Variants in WDR76 observed in about 807,000 individuals in gnomAD.
WDR76 encodes the protein WD repeat domain 76.
WDR76 carries 52 observed loss-of-function variants against 70.2 expected under a neutral mutation model. The ratio of observed to expected loss-of-function variants is 0.74; its 90% CI spans 0.59 to 0.93. The LOEUF is 0.93. WDR76 is among the 40% of genes least tolerant of loss of function. The pLI is 0.00. For synonymous variants in WDR76, 292 were observed against 271.1 expected, an observed-to-expected ratio of 1.08 and a Z score of -0.76; for missense variants, 756 against 760.2, an observed-to-expected ratio of 0.99 and a Z score of 0.07.
Position 43,839,601 on chromosome 15 carries a change from T to A in WDR76, c.609-4T>A, listed in dbSNP as rs1401624982. The A allele has an allele frequency of 6.2e-7, 1 of 1,606,006 alleles. No individual in the cohort carries two copies. Among genetic ancestry groups the A allele is most frequent in the Non-Finnish European group, 8.5e-7 (1 of 1,176,700 alleles). On this transcript the variant is annotated splice_polypyrimidine_tract_variant and splice_region_variant and intron_variant, in intron 4 of 12. Coordinates refer to ENST00000263795, the MANE Select transcript of WDR76 (RefSeq NM_024908.4). ...ATAACATGAGTTTTTCCCCACTCCT[T>A]TAGAAAGAAGCCTAAGAGAGAAAAT...
rs758766580 is a variant in WDR76, at chr15:43,844,017, T to C, written c.995T>C (p.Val332Ala). 1.2e-5 allele frequency: 19 copies of C among 1,613,588 alleles called. No individual in the cohort carries two copies. The Admixed American group carries it at 3.2e-4, about 27-fold the overall frequency. ...TCAGAAACTAGAACTTTGGTAGCAG[T>C]TGGGGCCAAATTTGGGCAAGTTGGA... The part of the protein sequence containing the change: ...HPSETRTLVA[V>A]GAKFGQVGLC... The change falls in exon 8 of 13, where the codon GTT (valine) becomes GCT (alanine). Residue 332 changes from valine to alanine, a missense_variant. Physicochemically the swap from Val to Ala is moderately conservative, Grantham distance 64 (BLOSUM62 0). Transcript: ENST00000263795.
chr15:43,856,295 A>G (rs574742857), intron 9 of WDR76, among the ~76,000 whole-genome samples: 9 of 151,536 alleles, frequency 5.9e-5, no homozygotes, highest in Admixed American at 1.3e-4. Flanking sequence ...TAAGCATTAA[A>G]CATTTTGATA....
At chr15:43,843,839 T>C (rs1044097455) in intron 7 of WDR76, 62 bp from the exon 8 acceptor site, 10 of 1,381,562 alleles carry the variant, frequency 7.2e-6, no homozygotes, top group Non-Finnish European at 9.6e-6. Context: ...GAATAATCTT[T>C]TACTTATTTT....
chr15:43,862,966 C>T (rs562634159), intron 12 of WDR76, among the ~76,000 whole-genome samples: 56 of 152,098 alleles, frequency 3.7e-4, no homozygotes, highest in African/African-American at 8.7e-4. Flanking sequence ...GACAGAGTCT[C>T]GCTCTGTTGT....
intron 8 of WDR76, among the ~76,000 whole-genome samples, chr15:43,847,022 C>CAAAAAAAAAAAAAAAAAAAAAAAAAAA (rs57096588): frequency 3.0e-5 from 2 of 66,700 alleles, no homozygotes; most frequent in Admixed American, 1.8e-4. Flanking sequence ...AACACCACCT[C>CAAAAAAAAAAAAAAAAAAAAAAAAAAA]AAAAAAAAAA....
intron 11 of WDR76, among the ~76,000 whole-genome samples, chr15:43,861,007 A>C (rs965651283): frequency 2.2e-4 from 32 of 146,644 alleles, no homozygotes; most frequent in African/African-American, 6.4e-4. Flanking sequence ...TGTAATCTCA[A>C]ACTCCTGGGC....
At chr15:43,844,128 C>T in intron 8 of WDR76, 74 bp downstream of exon 8, 1 of 1,373,108 alleles carries the variant, frequency 7.3e-7, no homozygotes, top group Non-Finnish European at 9.7e-7. Context: ...AGGCTAGAGC[C>T]ATGTGTTTAT....
At chr15:43,833,360 C>A (rs1203303936) in intron 2 of WDR76, among the ~76,000 whole-genome samples, 1 of 149,798 alleles carries the variant, frequency 6.7e-6, no homozygotes, top group Admixed American at 6.7e-5. Flanking sequence ...GCTCTGTTGC[C>A]CAGAGTGGAG....
intron 8 of WDR76, among the ~76,000 whole-genome samples, chr15:43,848,423 T>C (rs530286236): frequency 1.2e-4 from 18 of 152,274 alleles, no homozygotes; most frequent in African/African-American, 4.3e-4. Context: ...ATCCTGAGAA[T>C]TTTCTATATT....
At chr15:43,841,808 A>G (rs894456115) in intron 5 of WDR76, among the ~76,000 whole-genome samples, 2 of 152,108 alleles carry the variant, frequency 1.3e-5, no homozygotes, top group Non-Finnish European at 2.9e-5. Context: ...TTCTCCAGTT[A>G]TTGGCTGTGT....
intron 4 of WDR76, among the ~76,000 whole-genome samples, chr15:43,839,377 C>G (rs1410153102): frequency 1.3e-5 from 2 of 152,170 alleles, no homozygotes; most frequent in Non-Finnish European, 2.9e-5. Flanking sequence ...GCGTATTATT[C>G]TATTAGATAT....
chr15:43,844,692 G>C (rs1166917035), intron 8 of WDR76, among the ~76,000 whole-genome samples: 1 of 151,066 alleles, frequency 6.6e-6, no homozygotes, highest in Non-Finnish European at 1.5e-5. Context: ...GGTGGATCAC[G>C]AAGTCAGGAG....
chr15:43,852,649 G>T (rs964397784), intron 9 of WDR76, among the ~76,000 whole-genome samples: 4 of 152,032 alleles, frequency 2.6e-5, no homozygotes, highest in African/African-American at 7.2e-5. Context: ...GGATTACAGC[G>T]TGAGCCACTG....
At chr15:43,856,466 G>A (rs1201395405) in intron 9 of WDR76, among the ~76,000 whole-genome samples, 2 of 152,142 alleles carry the variant, frequency 1.3e-5, no homozygotes, top group East Asian at 3.8e-4. Context: ...TTTCTGTTAA[G>A]TTTCACAGGG....
At chr15:43,856,737 C>T (rs1187451781) in intron 9 of WDR76, among the ~76,000 whole-genome samples, 1 of 151,788 alleles carries the variant, frequency 6.6e-6, no homozygotes, top group Non-Finnish European at 1.5e-5. Flanking sequence ...ATGTTCCCAA[C>T]ACATAGAAAT....
intron 8 of WDR76, among the ~76,000 whole-genome samples, chr15:43,848,676 C>T (rs1043250815): frequency 6.6e-6 from 1 of 152,180 alleles, no homozygotes; most frequent in Non-Finnish European, 1.5e-5. Flanking sequence ...CGCAGTGGCT[C>T]ATGCCTGTAA....
chr15:43,862,279 T>C (rs1242395695), intron 12 of WDR76, among the ~76,000 whole-genome samples: 5 of 104,958 alleles, frequency 4.8e-5, no homozygotes, highest in Admixed American at 2.9e-4. Flanking sequence ...TCAGTTTCTT[T>C]TTTTTTTTTT....
At chr15:43,860,910 CTTTTTTTTTTTT>C (rs34504509) in intron 11 of WDR76, among the ~76,000 whole-genome samples, 5 of 78,994 alleles carry the variant, frequency 6.3e-5, no homozygotes, top group Non-Finnish European at 9.2e-5. Context: ...TGATCTTACT[CTTTTTTTTTTTT>C]TTTTTTTTTT....
rs1174076677 is a variant in WDR76, at chr15:43,836,362, A to T, written c.608+146A>T. The T allele has an allele frequency of 5.8e-6, 3 of 518,406 alleles. No homozygotes were observed. In the African/African-American group the frequency reaches 5.9e-5, roughly 10 times the overall value. 32.1% of individuals were successfully genotyped at this position (518,406 alleles called of 1,614,324 possible). A position where few individuals can be genotyped will look rare whatever the true frequency, so the allele number is the denominator to read the frequency against. Reference sequence around the variant, plus strand: ...CCTCTAGGATCTCTGAGGGAATGCTACCCTTTAATAACTTTACAATTCTCA... The same window carrying T: ...CCTCTAGGATCTCTGAGGGAATGCTTCCCTTTAATAACTTTACAATTCTCA... On this transcript the variant is annotated intron_variant, in intron 4 of 12. Transcript: ENST00000263795.
Sources: allele counts gnomAD v4.1 joint callset (sites outside exome capture counted in the v4.1 genomes callset), GRCh38; gene constraint gnomAD v4.1.1; transcripts MANE v1.5; gene names NCBI Gene and HGNC (gene_info 2026-07-23, HGNC 2026-07-21).